CACNA1A: variants seen among roughly 807,000 people sequenced by gnomAD.
The protein encoded by CACNA1A is voltage-dependent P/Q-type calcium channel subunit alpha-1A.
In CACNA1A, 57 loss-of-function variants were observed where a neutral mutation model predicts 262.4. The ratio of observed to expected loss-of-function variants is 0.22; its 90% CI spans 0.18 to 0.27. CACNA1A has a LOEUF of 0.27. CACNA1A is among the 10% of genes least tolerant of loss of function. The pLI is 1.00. For missense variants in CACNA1A, 2,526 were observed against 3,562.8 expected, an observed-to-expected ratio of 0.71 and a Z score of 7.41; for synonymous variants, 1,431 against 1,419.3, an observed-to-expected ratio of 1.01 and a Z score of -0.18.
At chr19:13,393,526 C>CTCCT (rs1415676186) in intron 3 of CACNA1A, among the ~76,000 whole-genome samples, 6 of 148,644 alleles carry the variant, frequency 4.0e-5, no homozygotes, top group South Asian at 2.2e-4. Context: ...CCTTCCCTCC[C>CTCCT]TCCTTCCTTC....
chr19:13,234,047 C>CT (rs2055768618), intron 34 of CACNA1A, among the ~76,000 whole-genome samples: 1 of 33,628 alleles, frequency 3.0e-5, no homozygotes, highest in East Asian at 1.0e-3. Flanking sequence ...GAGACTCCAT[C>CT]TAAAAAAAAA....
chr19:13,440,487 G>C (rs1026095787), intron 3 of CACNA1A, among the ~76,000 whole-genome samples: 1 of 152,194 alleles, frequency 6.6e-6, no homozygotes, highest in Admixed American at 6.5e-5. Context: ...ACTGGGCCTG[G>C]GGAAGTAGTA....
chr19:13,298,918 G>A lies in CACNA1A; in HGVS notation c.2715C>T (p.Ala905=), dbSNP rs1208222207. Reference sequence around the variant, plus strand: ...CGGGTTGCTCCAGGCTGCCCTCCCGGGCGTGGTGGTCCGACTCGCGGCCGT... The same window carrying A: ...CGGGTTGCTCCAGGCTGCCCTCCCGAGCGTGGTGGTCCGACTCGCGGCCGT... ...GPYGRESDHH[A]REGSLEQPGF... Residue 905 remains alanine, a synonymous_variant, in exon 19 of 47, where the codon GCC becomes GCT. Transcript: ENST00000360228. 2 of 1,594,586 alleles carry A rather than the reference G, an allele frequency of 1.3e-6. No individual in the cohort carries two copies. Among genetic ancestry groups the A allele is most frequent in the Non-Finnish European group, 8.5e-7 (1 of 1,177,876 alleles).
intron 3 of CACNA1A, among the ~76,000 whole-genome samples, chr19:13,373,106 A>AG (rs1347010926): frequency 6.6e-6 from 1 of 152,218 alleles, no homozygotes; most frequent in African/African-American, 2.4e-5. Context: ...TGAATACCAG[A>AG]GGGTCTGTGG....
intron 37 of CACNA1A, 143 bp downstream of exon 37, chr19:13,227,288 A>C (rs751447225): frequency 4.4e-6 from 2 of 453,032 alleles, no homozygotes; most frequent in Non-Finnish European, 8.2e-6. Flanking sequence ...GAAAAGAAAA[A>C]AAAGAATCAA....
exon 1 of CACNA1A, chr19:13,506,477 GAGA>G (rs1320399615): frequency 3.7e-6 from 1 of 267,140 alleles, no homozygotes; most frequent in Non-Finnish European, 6.9e-6. Context: ...GCTGACCCCG[GAGA>G]AGGAGGGGCG....
chr19:13,490,738 A>G (rs1568700880), intron 1 of CACNA1A, among the ~76,000 whole-genome samples: 56 of 143,848 alleles, frequency 3.9e-4, no homozygotes, highest in East Asian at 1.5e-3. Flanking sequence ...AGAAAGAGAA[A>G]AGAAAGAAAG....
At chr19:13,211,015 G>A (rs1600085866) in intron 43 of CACNA1A, 1 of 276,616 alleles carries the variant, frequency 3.6e-6, no homozygotes, top group East Asian at 7.6e-5. Flanking sequence ...CCCTGGCTCC[G>A]GCCGATGCTC....
intron 1 of CACNA1A, among the ~76,000 whole-genome samples, chr19:13,498,040 T>A (rs771665725): frequency 1.3e-5 from 2 of 151,954 alleles, no homozygotes; most frequent in African/African-American, 4.8e-5. Context: ...ACAGACACAT[T>A]CCTATGCAGA....
At chr19:13,466,167 C>G (rs1001798288) in intron 1 of CACNA1A, among the ~76,000 whole-genome samples, 1 of 151,856 alleles carries the variant, frequency 6.6e-6, no homozygotes, top group African/African-American at 2.4e-5. Context: ...TTCTGTTATG[C>G]AAATTGCACC....
In CACNA1A at chr19:13,214,840, G is replaced by A; in HGVS notation, c.5732-232C>T. 1 of 542,426 alleles carries A rather than the reference G, an allele frequency of 1.8e-6. No homozygotes were observed. The highest frequency in any genetic ancestry group is 2.6e-5 in the South Asian group (1 of 38,640). 33.6% of individuals were successfully genotyped at this position (542,426 alleles called of 1,614,324 possible). A position where few individuals can be genotyped will look rare whatever the true frequency, so the allele number is the denominator to read the frequency against. ...AGGACCATGGAGCAGCTGTGCAGGA[G>A]ACAGCCCGGCATGGAGAACAGCTGG... On this transcript the variant is annotated intron_variant, in intron 38 of 46. Transcript: ENST00000360228. This position sits in a 1 kb window ranked among gnomAD's most constrained non-coding sequence, Gnocchi z 4.1.
chr19:13,334,315 ACT>A, intron 8 of CACNA1A, 61 bp downstream of exon 8: 1 of 903,140 alleles, frequency 1.1e-6, no homozygotes, highest in Non-Finnish European at 1.9e-6. Flanking sequence ...AAACTGCATG[ACT>A]CTCTTTGTAC....
chr19:13,253,990 C>T (rs2056473965), intron 29 of CACNA1A, among the ~76,000 whole-genome samples: 1 of 152,266 alleles, frequency 6.6e-6, no homozygotes, highest in Non-Finnish European at 1.5e-5. Context: ...CCGCCTGCCT[C>T]GACCTCCCAA....
chr19:13,363,331 TCTCTCTC>T (rs1270753017), intron 5 of CACNA1A: 1 of 149,722 alleles, frequency 6.7e-6, no homozygotes, highest in African/African-American at 2.5e-5. Context: ...TCTCTCTCTC[TCTCTCTC>T]GCATTTCCGC....
chr19:13,261,760 G>C, intron 25 of CACNA1A, 150 bp from the exon 26 acceptor site: 1 of 704,602 alleles, frequency 1.4e-6, no homozygotes, highest in South Asian at 1.9e-5. Context: ...GGTCCCCCCA[G>C]CTTTCAGAAA....
intron 24 of CACNA1A, among the ~76,000 whole-genome samples, chr19:13,266,964 G>A (rs1309729920): frequency 6.6e-6 from 1 of 152,206 alleles, no homozygotes; most frequent in Non-Finnish European, 1.5e-5. Flanking sequence ...AACTGGTGGG[G>A]CATGGGCGGA....
At chr19:13,210,495 G>A (rs1031572036) in intron 44 of CACNA1A, 122 bp downstream of exon 44, 7 of 802,720 alleles carry the variant, frequency 8.7e-6, no homozygotes, top group Non-Finnish European at 1.2e-5. Flanking sequence ...GGGAGAGGGT[G>A]CGATTGCCAA....
chr19:13,479,675 C>A (rs1250882517), intron 1 of CACNA1A, among the ~76,000 whole-genome samples: 1 of 152,186 alleles, frequency 6.6e-6, no homozygotes, highest in East Asian at 1.9e-4. Context: ...AGAGTCCTGC[C>A]ACCTTCACTC....
chr19:13,207,548 G>A lies in CACNA1A; in HGVS notation c.7286C>T (p.Ala2429Val). Residue 2429 changes from alanine (A) to valine (V), a missense_variant, in exon 47 of 47, where the codon GCC becomes GTC. Physicochemically the swap from Ala to Val is moderately conservative, Grantham distance 64. Transcript: ENST00000360228. This position sits in a 1 kb window ranked among gnomAD's most constrained non-coding sequence, Gnocchi z 5.7. ...TGGCGCGTCGTAGGCCCCGGCCATG[G>A]CCTCCTCGCCGCCCCCGCTGCCCGG... ...DGPGSGGGEE[A>V]MAGAYDAPPP... 5 of 1,458,052 alleles carry A rather than the reference G, an allele frequency of 3.4e-6. No individual in the cohort carries two copies. The highest frequency in any genetic ancestry group is 1.5e-5 in the African/African-American group (1 of 67,150). 90.3% of individuals were successfully genotyped at this position (1,458,052 alleles called of 1,614,324 possible). A position where few individuals can be genotyped will look rare whatever the true frequency, so the allele number is the denominator to read the frequency against.
Sources: allele counts gnomAD v4.1 joint callset (sites outside exome capture counted in the v4.1 genomes callset), GRCh38; gene constraint gnomAD v4.1.1; non-coding constraint Gnocchi (gnomAD v3.1); transcripts MANE v1.5; gene names NCBI Gene and HGNC (gene_info 2026-07-23, HGNC 2026-07-21).